The following VAV3 variants were observed in gnomAD, a reference collection of about 807,000 sequenced individuals.
The protein encoded by VAV3 is guanine nucleotide exchange factor VAV3.
In VAV3, 94 loss-of-function variants were observed where a neutral mutation model predicts 131.2. The observed-to-expected ratio is 0.72, with a 90% confidence interval of 0.61 to 0.85. The LOEUF (loss-of-function observed/expected upper bound fraction) is 0.85. Ranked by LOEUF, VAV3 falls within the 40% of genes least tolerant of loss-of-function variation. The pLI is 0.00. For missense variants in VAV3, 939 were observed against 1,002.7 expected (o/e 0.94, Z 0.86); for synonymous variants, 349 against 342.0 (o/e 1.02, Z -0.22).
intron 2 of VAV3, among the ~76,000 whole-genome samples, chr1:107,808,294 T>C (rs1368148722): frequency 5.3e-5 from 8 of 152,116 alleles, no homozygotes; most frequent in Admixed American, 5.2e-4. Flanking sequence ...GAAGTGAACA[T>C]GACAGGCCTA....
intron 24 of VAV3, among the ~76,000 whole-genome samples, chr1:107,600,176 G>A (rs980013052): frequency 1.3e-5 from 2 of 152,062 alleles, no homozygotes; most frequent in East Asian, 3.9e-4. Context: ...GAGTTCTCCA[G>A]AAAGTGATTT....
At chr1:107,961,244 G>A (rs1428633380) in intron 1 of VAV3, among the ~76,000 whole-genome samples, 3 of 152,138 alleles carry the variant, frequency 2.0e-5, no homozygotes, top group Admixed American at 2.0e-4. Flanking sequence ...TTCAAACTAA[G>A]ACTAAGGTAC....
At chr1:107,649,827 GCT>G (rs1320400287) in intron 19 of VAV3, among the ~76,000 whole-genome samples, 1 of 152,094 alleles carries the variant, frequency 6.6e-6, no homozygotes, top group African/African-American at 2.4e-5. Flanking sequence ...CACTGTGAAT[GCT>G]ACCATAAATA....
At chr1:107,888,839 T>C (rs1246775316) in intron 1 of VAV3, among the ~76,000 whole-genome samples, 1 of 152,186 alleles carries the variant, frequency 6.6e-6, no homozygotes, top group Non-Finnish European at 1.5e-5. Flanking sequence ...TTCTATTTTC[T>C]GTCTATATTT....
intron 19 of VAV3, among the ~76,000 whole-genome samples, chr1:107,653,882 A>G (rs1475785229): frequency 6.6e-6 from 1 of 152,086 alleles, no homozygotes; most frequent in African/African-American, 2.4e-5. Flanking sequence ...TCCCAGGAAC[A>G]TTCCTTCTTA....
At chr1:107,670,356 A>C (rs916824121) in intron 19 of VAV3, among the ~76,000 whole-genome samples, 1 of 152,222 alleles carries the variant, frequency 6.6e-6, no homozygotes, top group Non-Finnish European at 1.5e-5. Context: ...CCAAACTCTT[A>C]ACCAACACAC....
intron 1 of VAV3, among the ~76,000 whole-genome samples, chr1:107,923,394 T>C (rs1316164229): frequency 4.6e-5 from 7 of 152,122 alleles, no homozygotes; most frequent in Non-Finnish European, 7.4e-5. Context: ...AAATGAGGCC[T>C]CTTAGGAGGT....
At chr1:107,628,654 A>C (rs566266426) in intron 20 of VAV3, among the ~76,000 whole-genome samples, 1 of 152,358 alleles carries the variant, frequency 6.6e-6, no homozygotes, top group African/African-American at 2.4e-5. Context: ...ACCAAAAAAT[A>C]ACAAAACTGC....
At chr1:107,781,797 T>C (rs1168848272) in intron 2 of VAV3, among the ~76,000 whole-genome samples, 2 of 152,166 alleles carry the variant, frequency 1.3e-5, no homozygotes, top group Non-Finnish European at 2.9e-5. Flanking sequence ...ACCAATCAGA[T>C]AAAACTTGAT....
At chr1:107,948,076 G>A (rs1674357001) in intron 1 of VAV3, among the ~76,000 whole-genome samples, 1 of 152,172 alleles carries the variant, frequency 6.6e-6, no homozygotes, top group Non-Finnish European at 1.5e-5. Context: ...GTTTTGGATA[G>A]CTGTGGATTT....
At chr1:107,814,972 T>C (rs376581564) in intron 2 of VAV3, among the ~76,000 whole-genome samples, 8 of 152,160 alleles carry the variant, frequency 5.3e-5, no homozygotes, top group Non-Finnish European at 7.3e-5. Context: ...TTGGTGACAA[T>C]TGATTCCAGA....
chr1:107,819,535 T>C (rs562686913), intron 2 of VAV3, among the ~76,000 whole-genome samples: 3 of 149,380 alleles, frequency 2.0e-5, no homozygotes, highest in African/African-American at 7.3e-5. Flanking sequence ...AAAAATGATA[T>C]GACACAAATA....
intron 15 of VAV3, among the ~76,000 whole-genome samples, chr1:107,713,160 T>C (rs893304934): frequency 1.3e-5 from 2 of 152,170 alleles, no homozygotes; most frequent in Non-Finnish European, 2.9e-5. Context: ...ATCGACAAAA[T>C]TGCTGCCTTC....
At chr1:107,854,554 C>T (rs976294801) in intron 2 of VAV3, among the ~76,000 whole-genome samples, 3 of 152,104 alleles carry the variant, frequency 2.0e-5, no homozygotes, top group African/African-American at 4.8e-5. Context: ...GTTCATCTAC[C>T]ATTTATTTCT....
chr1:107,749,705 G>C, intron 13 of VAV3, 111 bp from the exon 14 acceptor site: 1 of 1,237,134 alleles, frequency 8.1e-7, no homozygotes, highest in Non-Finnish European at 1.1e-6. Flanking sequence ...AAAGACAACA[G>C]GTAGTATCAT....
At chr1:107,743,185 T>C (rs999011711) in intron 15 of VAV3, among the ~76,000 whole-genome samples, 14 of 152,182 alleles carry the variant, frequency 9.2e-5, no homozygotes, top group African/African-American at 3.4e-4. Flanking sequence ...TCTGGTGTTA[T>C]AGCAAGTACA....
At chr1:107,799,341 C>G (rs1666719641) in intron 2 of VAV3, among the ~76,000 whole-genome samples, 1 of 148,930 alleles carries the variant, frequency 6.7e-6, no homozygotes, top group Admixed American at 6.7e-5. Context: ...CAGGTTCTAT[C>G]ACGTAGAAAA....
At chr1:107,621,001 G>T (rs936644540) in intron 20 of VAV3, among the ~76,000 whole-genome samples, 22 of 151,946 alleles carry the variant, frequency 1.4e-4, no homozygotes, top group African/African-American at 5.1e-4. Context: ...AGAGTAAATG[G>T]GTAGTGACTA....
chr1:107,617,352 A>G (rs1484929235), intron 21 of VAV3, among the ~76,000 whole-genome samples: 2 of 152,134 alleles, frequency 1.3e-5, no homozygotes, highest in African/African-American at 2.4e-5. Context: ...TATAAATTCT[A>G]CTAAGTAAAA....
Sources: allele counts gnomAD v4.1 joint callset (sites outside exome capture counted in the v4.1 genomes callset), GRCh38; gene constraint gnomAD v4.1.1; transcripts MANE v1.5; gene names NCBI Gene and HGNC (gene_info 2026-07-23, HGNC 2026-07-21).